ASXL3: variants seen among roughly 807,000 people sequenced by gnomAD.
The protein encoded by ASXL3 is putative Polycomb group protein ASXL3.
ASXL3 carries 34 observed loss-of-function variants against 170.6 expected under a neutral mutation model. The observed-to-expected ratio is 0.20, with a 90% CI of 0.15 to 0.27. The LOEUF (loss-of-function observed/expected upper bound fraction) is 0.27, where lower values mean the gene tolerates loss of function less well. Among genes scored for constraint, ASXL3 ranks in the 10% least tolerant of loss-of-function variants. The pLI, the probability that ASXL3 is intolerant of heterozygous loss-of-function variation, is 1.00. For synonymous variants in ASXL3, 1,002 were observed against 989.1 expected (o/e 1.01, Z -0.24); for missense variants, 2,592 against 2,695.3 (o/e 0.96, Z 0.85).
chr18:33,596,734 GT>G (rs2145105899), intron 1 of ASXL3, among the ~76,000 whole-genome samples: 1 of 152,284 alleles, frequency 6.6e-6, no homozygotes, highest in Non-Finnish European at 1.5e-5. Flanking sequence ...TATAAGGCAT[GT>G]AACTGTTTCT....
chr18:33,578,757 C>G, intron 1 of ASXL3, 72 bp downstream of exon 1: 26 of 965,724 alleles, frequency 2.7e-5, no homozygotes, highest in Non-Finnish European at 3.4e-5. Context: ...CGGTCCGCGG[C>G]GGCGGAGACG....
chr18:33,745,018 A>C lies in ASXL3; in HGVS notation c.5170A>C (p.Thr1724Pro). ...CATGGAAGAGGCTATTTCCTTGGCT[A>C]CCGATGCCCTGAAGAGAGTCCCTGG... ...SPMEEAISLA[T>P]DALKRVPGAG... Residue 1724 changes from threonine (T) to proline (P), a missense_variant, in exon 12 of 12, where the codon ACC becomes CCC. Transcript: ENST00000269197. 1 of 1,614,028 alleles carries C rather than the reference A, an allele frequency of 6.2e-7. No homozygotes were observed. Among genetic ancestry groups the C allele is most frequent in the Non-Finnish European group, 8.5e-7 (1 of 1,179,890 alleles).
chr18:33,613,359 CT>C (rs2065368074), intron 2 of ASXL3, among the ~76,000 whole-genome samples: 1 of 152,048 alleles, frequency 6.6e-6, no homozygotes, highest in South Asian at 2.1e-4. Flanking sequence ...CCAAGTCTTC[CT>C]TCCCCCTTTA....
intron 2 of ASXL3, among the ~76,000 whole-genome samples, chr18:33,632,164 G>A (rs1473046518): frequency 6.6e-6 from 1 of 152,110 alleles, no homozygotes; most frequent in Non-Finnish European, 1.5e-5. Context: ...CTACCTATGA[G>A]TAGAGAGATT....
intron 2 of ASXL3, among the ~76,000 whole-genome samples, chr18:33,612,995 C>T (rs2065361778): frequency 2.0e-5 from 3 of 152,054 alleles, no homozygotes; most frequent in Admixed American, 2.0e-4. Context: ...ATGGTGTGCA[C>T]AGTCAGCTAC....
At chr18:33,608,645 A>G (rs1459761336) in intron 2 of ASXL3, among the ~76,000 whole-genome samples, 1 of 152,024 alleles carries the variant, frequency 6.6e-6, no homozygotes. Context: ...GCCATGTTAC[A>G]TAGAATAGAT....
At chr18:33,709,840 G>A (rs1486293976) in intron 8 of ASXL3, among the ~76,000 whole-genome samples, 1 of 152,194 alleles carries the variant, frequency 6.6e-6, no homozygotes, top group Non-Finnish European at 1.5e-5. Flanking sequence ...TGAACAGTCT[G>A]TTCTGTCACA....
In ASXL3 at chr18:33,588,708, A is replaced by T. The variant is rs1310418578; in HGVS notation, c.54+10023A>T. 3.3e-5 allele frequency among the ~76,000 whole-genome samples: 5 copies of T among 152,276 alleles called. No individual in the cohort carries two copies. The East Asian group carries it at 7.7e-4, about 24-fold the overall frequency. ...CATGTCTGTACCTTAGGTGCCAGAGAGCGATGATAAAGTATATATGGCCCC... is the reference window on the plus strand; with the variant it reads ...CATGTCTGTACCTTAGGTGCCAGAGTGCGATGATAAAGTATATATGGCCCC... On this transcript the variant is annotated intron_variant, in intron 1 of 11. Coordinates refer to ENST00000269197, the MANE Select transcript of ASXL3 (RefSeq NM_030632.3).
chr18:33,641,182 T>G (rs2145192594), intron 2 of ASXL3, among the ~76,000 whole-genome samples: 1 of 152,198 alleles, frequency 6.6e-6, no homozygotes, highest in Admixed American at 6.6e-5. Context: ...TCGGTAAAAT[T>G]GTGTGTATTC....
At chr18:33,702,913 C>A (rs2066899695) in intron 8 of ASXL3, among the ~76,000 whole-genome samples, 1 of 151,994 alleles carries the variant, frequency 6.6e-6, no homozygotes, top group Admixed American at 6.6e-5. Flanking sequence ...GATATCACAC[C>A]CAGACCTTAG....
intron 8 of ASXL3, among the ~76,000 whole-genome samples, chr18:33,706,646 A>G (rs1006741506): frequency 3.8e-4 from 58 of 151,870 alleles, no homozygotes; most frequent in Non-Finnish European, 1.3e-4. Context: ...GTATATTACC[A>G]GTTCCAGTCT....
At chr18:33,672,463 A>G (rs1009806546) in intron 7 of ASXL3, among the ~76,000 whole-genome samples, 1 of 152,156 alleles carries the variant, frequency 6.6e-6, no homozygotes, top group African/African-American at 2.4e-5. Flanking sequence ...AGGAACCCCC[A>G]ACAGCATTCA....
intron 8 of ASXL3, among the ~76,000 whole-genome samples, chr18:33,684,336 G>C (rs2066559453): frequency 6.6e-6 from 1 of 152,080 alleles, no homozygotes; most frequent in Admixed American, 6.6e-5. Context: ...GTATATTTAT[G>C]AATTTGTGTC....
intron 2 of ASXL3, among the ~76,000 whole-genome samples, chr18:33,618,974 T>G (rs766749590): frequency 1.3e-5 from 2 of 152,144 alleles, no homozygotes; most frequent in Non-Finnish European, 2.9e-5. Flanking sequence ...TCAAGCAAAT[T>G]AATAAATAGG....
intron 1 of ASXL3, among the ~76,000 whole-genome samples, chr18:33,591,619 C>A (rs571076650): frequency 6.6e-6 from 1 of 150,480 alleles, no homozygotes; most frequent in East Asian, 1.9e-4. Flanking sequence ...CATTTCCTTT[C>A]GATCTTCTAA....
rs113562813 is a variant in ASXL3, at chr18:33,589,987, G to A, written c.54+11302G>A. On this transcript the variant is annotated intron_variant, in intron 1 of 11. Transcript: ENST00000269197. ...AGTTGAGTTTCTCCCGGTTACAAGT[G>A]AAACAAATTTAACTCAAATTAGTTT... Among the ~76,000 whole-genome samples the A allele has an allele frequency of 3.7e-3, 557 of 152,000 alleles. 5 individuals carry two copies. The highest frequency in any genetic ancestry group is 6.5e-3 in the Non-Finnish European group (440 of 67,990).
intron 2 of ASXL3, among the ~76,000 whole-genome samples, chr18:33,644,411 TTTA>T (rs2065888878): frequency 6.6e-6 from 1 of 151,854 alleles, no homozygotes; most frequent in Non-Finnish European, 1.5e-5. Flanking sequence ...TCTTCCCTGG[TTTA>T]TTATTCTTTT....
chr18:33,607,525 T>C, intron 1 of ASXL3, 69 bp from the exon 2 acceptor site: 11 of 1,250,368 alleles, frequency 8.8e-6, no homozygotes, highest in Non-Finnish European at 1.3e-5. Flanking sequence ...AGAGAATGCA[T>C]GATTCACATA....
chr18:33,599,631 A>G lies in ASXL3; in HGVS notation c.55-7963A>G, dbSNP rs561369626. 5.9e-5 allele frequency among the ~76,000 whole-genome samples: 9 copies of G among 152,228 alleles called. No individual in the cohort carries two copies. The East Asian group carries it at 1.5e-3, about 26-fold the overall frequency. On this transcript the variant is annotated intron_variant, in intron 1 of 11. Coordinates refer to ENST00000269197, the MANE Select transcript of ASXL3 (RefSeq NM_030632.3). Reference sequence around the variant, plus strand: ...AAATAATATGTAACTAAAAGATAAAATTTACTTGAGATCACAGTGTCCTTT... The same window carrying G: ...AAATAATATGTAACTAAAAGATAAAGTTTACTTGAGATCACAGTGTCCTTT...
Sources: allele counts gnomAD v4.1 joint callset (sites outside exome capture counted in the v4.1 genomes callset), GRCh38; gene constraint gnomAD v4.1.1; transcripts MANE v1.5; gene names NCBI Gene and HGNC (gene_info 2026-07-23, HGNC 2026-07-21).